The following LSAMP variants were observed in gnomAD, a reference collection of about 807,000 sequenced individuals.
LSAMP encodes limbic system-associated membrane protein.
LSAMP carries 7 observed loss-of-function variants against 38.6 expected under a neutral mutation model. That is an observed-to-expected ratio of 0.18 (90% CI 0.10 to 0.34). The LOEUF (loss-of-function observed/expected upper bound fraction) is 0.34. LSAMP is among the 10% of genes least tolerant of loss of function. The probability of loss-of-function intolerance (pLI) is 1.00; values close to 1 mark genes in which losing one functional copy is unlikely to be tolerated. For synonymous variants in LSAMP, 154 were observed against 166.8 expected, an observed-to-expected ratio of 0.92 and a Z score of 0.59; for missense variants, 313 against 420.0, an observed-to-expected ratio of 0.75 and a Z score of 2.23.
intron 1 of LSAMP, among the ~76,000 whole-genome samples, chr3:116,407,020 T>C (rs2048906225): frequency 6.6e-6 from 1 of 152,006 alleles, no homozygotes; most frequent in African/African-American, 2.4e-5. Flanking sequence ...GCTGCAAGAG[T>C]ATGAAGAAAC....
intron 1 of LSAMP, among the ~76,000 whole-genome samples, chr3:116,107,669 T>G (rs13092621): frequency 9.2e-5 from 14 of 152,184 alleles, no homozygotes; most frequent in South Asian, 2.1e-4. Flanking sequence ...AGTAATGGGG[T>G]CTGTCTGTGA....
chr3:116,305,765 A>C (rs1328726336), intron 1 of LSAMP, among the ~76,000 whole-genome samples: 2 of 152,038 alleles, frequency 1.3e-5, no homozygotes, highest in Non-Finnish European at 2.9e-5. Flanking sequence ...AATTATTTAC[A>C]CTAGAGAAGA....
chr3:115,893,074 A>T (rs1020435160), intron 3 of LSAMP, among the ~76,000 whole-genome samples: 2 of 151,886 alleles, frequency 1.3e-5, no homozygotes, highest in Non-Finnish European at 1.5e-5. Flanking sequence ...GCATGTTCTC[A>T]CTCATAAGTG....
At chr3:116,271,273 A>C (rs532008477) in intron 1 of LSAMP, among the ~76,000 whole-genome samples, 1 of 152,178 alleles carries the variant, frequency 6.6e-6, no homozygotes, top group East Asian at 1.9e-4. Flanking sequence ...AAATAAGTTA[A>C]TTATACTCAT....
chr3:115,816,678 CAAAT>C (rs1337565747), intron 6 of LSAMP: 5 of 1,242,458 alleles, frequency 4.0e-6, no homozygotes, highest in East Asian at 1.1e-4. Context: ...AAAACAAAAA[CAAAT>C]AAAAAATCTT....
chr3:115,858,974 C>T (rs1935590748), intron 3 of LSAMP, among the ~76,000 whole-genome samples: 1 of 152,000 alleles, frequency 6.6e-6, no homozygotes, highest in Non-Finnish European at 1.5e-5. Context: ...TGCTTTCTTC[C>T]CTGCTTTCCT....
At chr3:116,135,898 TTGA>T (rs1709237272) in intron 1 of LSAMP, among the ~76,000 whole-genome samples, 1 of 152,174 alleles carries the variant, frequency 6.6e-6, no homozygotes, top group African/African-American at 2.4e-5. Context: ...ACTTTCCTGA[TTGA>T]TGAGGCTAAT....
At position 116,445,004 on chromosome 3, in the gene LSAMP, T is replaced by G; in HGVS notation, c.28A>C (p.Lys10Gln). The G allele has an allele frequency of 6.2e-7, 1 of 1,613,970 alleles. No homozygotes were observed. Among genetic ancestry groups the G allele is most frequent in the Non-Finnish European group, 8.5e-7 (1 of 1,179,956 alleles). Residue 10 changes from lysine to glutamine, a missense_variant, in exon 1 of 7, where the codon AAA becomes CAA. Transcript: ENST00000490035. ...CTCAGTAGGACCAGTGGCAACTGTTTCCGATCCGGCTGAACTCTCCTGACC... is the reference window on the plus strand; with the variant it reads ...CTCAGTAGGACCAGTGGCAACTGTTGCCGATCCGGCTGAACTCTCCTGACC... MVRRVQPDR[K>Q]QLPLVLLRLL...
chr3:116,428,007 C>A (rs374833528), intron 1 of LSAMP, among the ~76,000 whole-genome samples: 1 of 152,324 alleles, frequency 6.6e-6, no homozygotes, highest in Non-Finnish European at 1.5e-5. Context: ...CTTTGAAAAT[C>A]TACCATTTCA....
chr3:115,927,084 C>G (rs914532432), intron 3 of LSAMP, among the ~76,000 whole-genome samples: 20 of 152,160 alleles, frequency 1.3e-4, no homozygotes, highest in African/African-American at 4.8e-4. Context: ...GACTGTTTGA[C>G]TGACAAATTG....
chr3:116,193,954 T>C (rs1710815339), intron 1 of LSAMP, among the ~76,000 whole-genome samples: 1 of 152,184 alleles, frequency 6.6e-6, no homozygotes, highest in Non-Finnish European at 1.5e-5. Context: ...ACTTCTTTAG[T>C]TGTGCACAGT....
chr3:116,294,069 T>C (rs928858234), intron 1 of LSAMP, among the ~76,000 whole-genome samples: 11 of 152,076 alleles, frequency 7.2e-5, no homozygotes, highest in African/African-American at 2.7e-4. Context: ...CATGATAGAA[T>C]GTGTAATAAT....
At chr3:115,973,879 G>A (rs888888305) in intron 3 of LSAMP, among the ~76,000 whole-genome samples, 1 of 152,184 alleles carries the variant, frequency 6.6e-6, no homozygotes, top group African/African-American at 2.4e-5. Context: ...ACAATGTCAT[G>A]TTGGTACTCA....
chr3:116,206,188 C>T (rs1282700109), intron 1 of LSAMP, among the ~76,000 whole-genome samples: 75 of 146,512 alleles, frequency 5.1e-4, no homozygotes, highest in East Asian at 2.5e-3. Flanking sequence ...AGTTTATTTG[C>T]GTAGAGGTGT....
intron 1 of LSAMP, among the ~76,000 whole-genome samples, chr3:116,244,938 T>G (rs1313321639): frequency 1.3e-5 from 2 of 152,198 alleles, no homozygotes; most frequent in African/African-American, 4.8e-5. Flanking sequence ...CAGAGTCCAG[T>G]CTATAAGTAA....
At chr3:116,429,042 A>C (rs1298324519) in intron 1 of LSAMP, among the ~76,000 whole-genome samples, 1 of 152,110 alleles carries the variant, frequency 6.6e-6, no homozygotes, top group Admixed American at 6.6e-5. Flanking sequence ...TTTCTGAGCT[A>C]TTTCAAAACT....
chr3:115,870,354 A>G (rs1215738521), intron 3 of LSAMP, among the ~76,000 whole-genome samples: 1 of 152,188 alleles, frequency 6.6e-6, no homozygotes, highest in Non-Finnish European at 1.5e-5. Flanking sequence ...ATAGTAGATG[A>G]GAACAAAAGT....
chr3:116,378,347 A>G (rs1440737881), intron 1 of LSAMP, among the ~76,000 whole-genome samples: 1 of 152,002 alleles, frequency 6.6e-6, no homozygotes, highest in Non-Finnish European at 1.5e-5. Context: ...TTTGCAACCC[A>G]TATGGACAAA....
intron 1 of LSAMP, among the ~76,000 whole-genome samples, chr3:116,377,321 C>T (rs1400244196): frequency 1.3e-5 from 2 of 151,986 alleles, no homozygotes; most frequent in African/African-American, 4.8e-5. Context: ...TAAGTGAGAA[C>T]ATGTGGTGTT....
Sources: gnomAD v4.1 joint callset for allele counts (sites outside exome capture counted in the v4.1 genomes callset) on GRCh38, gnomAD v4.1.1 for gene constraint, MANE v1.5 for transcripts, NCBI Gene and HGNC (gene_info 2026-07-23, HGNC 2026-07-21) for gene names.